The following AGBL4 variants were observed in gnomAD, a reference collection of about 807,000 sequenced individuals.
AGBL4 encodes cytosolic carboxypeptidase 6.
A neutral mutation model predicts 66.4 loss-of-function variants in AGBL4; 58 were observed. That is an observed-to-expected ratio of 0.87 (90% CI 0.71 to 1.09). AGBL4 has a LOEUF of 1.09. Among genes scored for constraint, AGBL4 ranks in the 50% least tolerant of loss-of-function variants. The pLI, the probability that AGBL4 is intolerant of heterozygous loss-of-function variation, is 0.00. For missense variants in AGBL4, 579 were observed against 631.0 expected (o/e 0.92, Z 0.88); for synonymous variants, 234 against 222.9 (o/e 1.05, Z -0.44).
chr1:49,165,419 G>A (rs995009805), intron 4 of AGBL4, among the ~76,000 whole-genome samples: 1 of 152,082 alleles, frequency 6.6e-6, no homozygotes, highest in African/African-American at 2.4e-5. Flanking sequence ...GAAAGACTGG[G>A]CTTCCTTGGA....
chr1:49,817,983 G>A (rs1398535216), intron 2 of AGBL4, among the ~76,000 whole-genome samples: 3 of 152,164 alleles, frequency 2.0e-5, no homozygotes, highest in African/African-American at 7.2e-5. Context: ...TGGGGTTACA[G>A]AGAAGTTGTC....
chr1:49,013,507 C>T lies in AGBL4; in HGVS notation c.594+32077G>A, dbSNP rs143661687. On this transcript the variant is annotated intron_variant, in intron 5 of 13. Transcript: ENST00000371839. ...TTTTACAAAGTTGGAAGGAACGGGG[C>T]TTCATAATACCCAGGCAACCTTCCA... is the stretch of plus-strand genomic sequence containing the variant. Among the ~76,000 whole-genome samples, 305 of 152,324 alleles carry T rather than the reference C, an allele frequency of 2.0e-3. 2 individuals carry two copies. The highest frequency in any genetic ancestry group is 7.1e-3 in the African/African-American group (295 of 41,574).
intron 2 of AGBL4, among the ~76,000 whole-genome samples, chr1:49,709,189 A>G (rs1388343312): frequency 6.6e-6 from 1 of 152,200 alleles, no homozygotes; most frequent in African/African-American, 2.4e-5. Flanking sequence ...TCTGTCCCAG[A>G]AAGATGGGAG....
intron 1 of AGBL4, among the ~76,000 whole-genome samples, chr1:50,008,666 G>T (rs1661313833): frequency 6.6e-6 from 1 of 151,400 alleles, no homozygotes; most frequent in Non-Finnish European, 1.5e-5. Flanking sequence ...GATTAAAGAA[G>T]AAATATATGA....
intron 6 of AGBL4, among the ~76,000 whole-genome samples, chr1:48,676,585 A>G (rs1646368884): frequency 6.6e-6 from 1 of 152,312 alleles, no homozygotes; most frequent in South Asian, 2.1e-4. Flanking sequence ...TTACTGACTA[A>G]TAGAAATACC....
In AGBL4 at chr1:48,688,080, G is replaced by A. The variant is rs547913744; in HGVS notation, c.635-24839C>T. Among the ~76,000 whole-genome samples the A allele has an allele frequency of 1.1e-4, 16 of 152,202 alleles. No homozygotes were observed. In the South Asian group the frequency reaches 3.3e-3, roughly 32 times the overall value. The stretch of plus-strand genomic sequence containing the variant: ...TGTATCCCCCAAACCTAGAACAGTA[G>A]GTATTAAATATTTGTGGAAGGAAGC... On this transcript the variant is annotated intron_variant, in intron 6 of 13. Transcript: ENST00000371839.
At chr1:48,823,989 A>G (rs757827073) in intron 6 of AGBL4, among the ~76,000 whole-genome samples, 20 of 149,486 alleles carry the variant, frequency 1.3e-4, no homozygotes, top group Admixed American at 2.7e-4. Flanking sequence ...GTGTGTGTGT[A>G]TATGTGCACA....
At chr1:49,238,853 T>G (rs1325036979) in intron 4 of AGBL4, among the ~76,000 whole-genome samples, 1 of 152,144 alleles carries the variant, frequency 6.6e-6, no homozygotes, top group East Asian at 1.9e-4. Flanking sequence ...CTCCAATAAC[T>G]ATTTTGGCAT....
At chr1:49,100,915 G>C (rs1645189419) in intron 4 of AGBL4, among the ~76,000 whole-genome samples, 1 of 152,152 alleles carries the variant, frequency 6.6e-6, no homozygotes, top group Non-Finnish European at 1.5e-5. Context: ...TAAGGATGCT[G>C]AGGCTTATAA....
At chr1:48,913,289 G>A (rs1200250624) in intron 5 of AGBL4, among the ~76,000 whole-genome samples, 1 of 152,194 alleles carries the variant, frequency 6.6e-6, no homozygotes, top group Non-Finnish European at 1.5e-5. Context: ...ACAAGTGAGT[G>A]ATTGAGTCCT....
intron 11 of AGBL4, among the ~76,000 whole-genome samples, chr1:48,548,814 T>A (rs1644205831): frequency 1.3e-5 from 2 of 152,206 alleles, no homozygotes; most frequent in Non-Finnish European, 2.9e-5. Flanking sequence ...ATTTTGCAGA[T>A]GAAAAATCAG....
intron 4 of AGBL4, among the ~76,000 whole-genome samples, chr1:49,094,106 G>T (rs992468509): frequency 1.3e-5 from 2 of 152,164 alleles, no homozygotes; most frequent in East Asian, 1.9e-4. Context: ...GCCAAGAGTT[G>T]ATACAGATGC....
At chr1:48,782,803 G>A (rs999892019) in intron 6 of AGBL4, among the ~76,000 whole-genome samples, 3 of 152,116 alleles carry the variant, frequency 2.0e-5, no homozygotes, top group African/African-American at 7.2e-5. Context: ...TTACATTTGA[G>A]TTCACTCTTG....
intron 6 of AGBL4, among the ~76,000 whole-genome samples, chr1:48,806,884 TCCCAA>T (rs554245196): frequency 5.2e-4 from 79 of 152,238 alleles, no homozygotes; most frequent in Non-Finnish European, 9.9e-4. Flanking sequence ...TATGAACTAT[TCCCAA>T]CCAACATTAC....
intron 4 of AGBL4, among the ~76,000 whole-genome samples, chr1:49,205,578 A>G (rs1433449503): frequency 6.6e-6 from 1 of 152,116 alleles, no homozygotes; most frequent in Admixed American, 6.6e-5. Flanking sequence ...TTAAAAGAGC[A>G]TTAGACCAGG....
At chr1:49,398,451 T>C (rs1165180658) in intron 3 of AGBL4, among the ~76,000 whole-genome samples, 1 of 151,944 alleles carries the variant, frequency 6.6e-6, no homozygotes, top group Non-Finnish European at 1.5e-5. Flanking sequence ...CCTTCAGCCT[T>C]GGACTGAATT....
intron 4 of AGBL4, among the ~76,000 whole-genome samples, chr1:49,064,240 T>C (rs1644452851): frequency 6.6e-6 from 1 of 152,216 alleles, no homozygotes; most frequent in Admixed American, 6.5e-5. Flanking sequence ...ATGATCCACA[T>C]CTATTTCCTC....
At chr1:48,728,210 G>C (rs1448973744) in intron 6 of AGBL4, among the ~76,000 whole-genome samples, 1 of 152,126 alleles carries the variant, frequency 6.6e-6, no homozygotes, top group Non-Finnish European at 1.5e-5. Flanking sequence ...ACTTAGAAAA[G>C]AGCAGATATA....
At chr1:49,350,446 G>A (rs999967620) in intron 3 of AGBL4, among the ~76,000 whole-genome samples, 5 of 151,862 alleles carry the variant, frequency 3.3e-5, no homozygotes, top group African/African-American at 4.8e-5. Flanking sequence ...CTCGTGATCC[G>A]CCCGCCTCGG....
Sources: allele counts gnomAD v4.1 joint callset (sites outside exome capture counted in the v4.1 genomes callset), GRCh38; gene constraint gnomAD v4.1.1; transcripts MANE v1.5; gene names NCBI Gene and HGNC (gene_info 2026-07-23, HGNC 2026-07-21).